Variants in CEP89 observed in about 807,000 individuals in gnomAD.
CEP89 encodes the protein centrosomal protein 89.
Under a neutral mutation model 97.6 loss-of-function variants are expected in CEP89, and 95 were observed. The ratio of observed to expected loss-of-function variants is 0.97; its 90% CI spans 0.82 to 1.15. CEP89 has a LOEUF of 1.15. Among genes scored for constraint, CEP89 ranks in the 50% most tolerant of loss-of-function variants. CEP89 has a pLI of 0.00. For synonymous variants in CEP89, 354 were observed against 349.1 expected (o/e 1.01, Z -0.16); for missense variants, 869 against 947.7 (o/e 0.92, Z 1.09).
intron 16 of CEP89, among the ~76,000 whole-genome samples, chr19:32,898,465 T>TA (rs1969690567): frequency 6.6e-6 from 1 of 152,168 alleles, no homozygotes; most frequent in Non-Finnish European, 1.5e-5. Context: ...AGCATACAGT[T>TA]AGATAGACGA....
Position 32,908,827 on chromosome 19 carries a change from A to G in CEP89, c.1565+6510T>C, listed in dbSNP as rs115118642. 1.3e-3 allele frequency among the ~76,000 whole-genome samples: 200 copies of G among 152,344 alleles called. 1 individual carries two copies. The highest frequency in any genetic ancestry group is 4.7e-3 in the African/African-American group (194 of 41,592). On this transcript the variant is annotated intron_variant, in intron 14 of 18. Transcript: ENST00000305768. Reference sequence around the variant, plus strand: ...CTGGGGAGGAGTTTGGGAAAGGGTTATGCCTCAGGCAAAGGTGAGGTCATG... The same window carrying G: ...CTGGGGAGGAGTTTGGGAAAGGGTTGTGCCTCAGGCAAAGGTGAGGTCATG...
At position 32,897,717 on chromosome 19, in the gene CEP89, A is replaced by C. The variant is rs111301493; in HGVS notation, c.1875+2140T>G. On this transcript the variant is annotated intron_variant, in intron 16 of 18. Coordinates refer to ENST00000305768, the MANE Select transcript of CEP89 (RefSeq NM_032816.5). ...GCTGAAACCACAGGCATGCACCACTATGCCTGGCTAAGTTTTTCGTTATTT... is the reference window on the plus strand; with the variant it reads ...GCTGAAACCACAGGCATGCACCACTCTGCCTGGCTAAGTTTTTCGTTATTT... Among the ~76,000 whole-genome samples the C allele has an allele frequency of 2.1e-3, 313 of 152,104 alleles. 1 individual carries two copies. Among genetic ancestry groups the C allele is most frequent in the African/African-American group, 7.0e-3 (289 of 41,492 alleles).
chr19:32,949,020 A>T (rs1421943419), intron 4 of CEP89, among the ~76,000 whole-genome samples: 1 of 151,966 alleles, frequency 6.6e-6, no homozygotes, highest in Non-Finnish European at 1.5e-5. Context: ...CAGCCACTGC[A>T]CCCAGCCTGT....
intron 2 of CEP89, among the ~76,000 whole-genome samples, chr19:32,964,631 C>T (rs935412069): frequency 1.3e-4 from 20 of 152,108 alleles, no homozygotes; most frequent in African/African-American, 4.6e-4. Context: ...TCGGAACACG[C>T]GTTAATCAGA....
intron 10 of CEP89, among the ~76,000 whole-genome samples, 188 bp from the exon 11 acceptor site, chr19:32,926,461 A>C (rs139445669): frequency 2.6e-5 from 4 of 152,074 alleles, no homozygotes; most frequent in African/African-American, 9.7e-5. Context: ...GATCCTTCCA[A>C]TTTCAGGGAT....
chr19:32,911,550 G>A (rs774967649), intron 14 of CEP89, among the ~76,000 whole-genome samples: 1 of 152,222 alleles, frequency 6.6e-6, no homozygotes. Flanking sequence ...CTACTCAGGA[G>A]GCTGAAGCGG....
intron 3 of CEP89, among the ~76,000 whole-genome samples, 178 bp downstream of exon 3, chr19:32,959,722 T>A (rs902195155): frequency 6.6e-6 from 1 of 152,200 alleles, no homozygotes; most frequent in Non-Finnish European, 1.5e-5. Context: ...CCATTTGACA[T>A]TGGTGATGAA....
At chr19:32,927,072 T>A in intron 9 of CEP89, 88 bp from the exon 10 acceptor site, 2 of 1,194,610 alleles carry the variant, frequency 1.7e-6, no homozygotes, top group Non-Finnish European at 2.5e-6. Flanking sequence ...AGACTGGGCA[T>A]TGCCCATCTA....
chr19:32,951,793 T>G (rs1970924883), intron 4 of CEP89, among the ~76,000 whole-genome samples: 1 of 152,124 alleles, frequency 6.6e-6, no homozygotes, highest in Admixed American at 6.6e-5. Flanking sequence ...AAAGCCACCC[T>G]AACAGACTTG....
At chr19:32,892,781 G>C (rs766000766) in intron 16 of CEP89, among the ~76,000 whole-genome samples, 2 of 151,278 alleles carry the variant, frequency 1.3e-5, no homozygotes, top group Non-Finnish European at 2.9e-5. Context: ...CAAACACTGA[G>C]AGAATCTGTC....
intron 11 of CEP89, 137 bp downstream of exon 11, chr19:32,926,053 C>T (rs77177810): frequency 0.011 from 7,951 of 701,656 alleles, 72 homozygotes; most frequent in Non-Finnish European, 0.015. Flanking sequence ...TCCTTCCTTC[C>T]TCCTTTCTGT....
chr19:32,906,746 T>C (rs1463640422), intron 14 of CEP89, among the ~76,000 whole-genome samples: 1 of 149,036 alleles, frequency 6.7e-6, no homozygotes, highest in Non-Finnish European at 1.5e-5. Context: ...TAGTTACATA[T>C]ATAAATATAT....
chr19:32,886,422 T>C (rs8107580), intron 17 of CEP89, among the ~76,000 whole-genome samples: 12,390 of 152,208 alleles, frequency 0.081, 1,577 homozygotes, highest in African/African-American at 0.27. Context: ...CAGCCTGGTT[T>C]GGAGGGGCTT....
intron 16 of CEP89, among the ~76,000 whole-genome samples, chr19:32,892,924 G>A (rs572567167): frequency 6.6e-6 from 1 of 152,076 alleles, no homozygotes; most frequent in Non-Finnish European, 1.5e-5. Context: ...ATGAGGAAGA[G>A]AAGGAACTCA....
chr19:32,893,670 G>A (rs1350638784), intron 16 of CEP89, among the ~76,000 whole-genome samples: 2 of 152,200 alleles, frequency 1.3e-5, no homozygotes, highest in Admixed American at 1.3e-4. Flanking sequence ...ATCATGTCAA[G>A]TATCTTCTCA....
intron 9 of CEP89, 50 bp downstream of exon 9, chr19:32,931,379 G>A: frequency 6.7e-7 from 1 of 1,502,514 alleles, no homozygotes; most frequent in Non-Finnish European, 8.9e-7. Flanking sequence ...CAATTCAACA[G>A]TAAAGGCTTA....
chr19:32,900,066 T>G, intron 15 of CEP89, 68 bp from the exon 16 acceptor site: 1 of 1,436,088 alleles, frequency 7.0e-7, no homozygotes, highest in Non-Finnish European at 9.7e-7. Flanking sequence ...ATGGTGAATA[T>G]CTGTATTACA....
intron 1 of CEP89, chr19:32,969,839 T>C (rs886535961): frequency 6.6e-6 from 1 of 152,156 alleles, no homozygotes. Context: ...TGGGTGGCTG[T>C]AGCCCTGCCC....
intron 17 of CEP89, among the ~76,000 whole-genome samples, chr19:32,885,782 C>T (rs974859383): frequency 1.3e-5 from 2 of 152,086 alleles, no homozygotes; most frequent in Non-Finnish European, 2.9e-5. Flanking sequence ...CAGAATAAGC[C>T]ACTGTTTTGG....
Sources: allele counts gnomAD v4.1 joint callset (sites outside exome capture counted in the v4.1 genomes callset), GRCh38; gene constraint gnomAD v4.1.1; transcripts MANE v1.5; gene names NCBI Gene and HGNC (gene_info 2026-07-23, HGNC 2026-07-21).